Variants in RAB27A observed in about 807,000 individuals in gnomAD.
RAB27A encodes RAB27A, member RAS oncogene family.
Under a neutral mutation model 20.8 loss-of-function variants are expected in RAB27A, and 17 were observed. The observed-to-expected ratio is 0.82, with a 90% CI of 0.56 to 1.23. The LOEUF (loss-of-function observed/expected upper bound fraction) is 1.23. Among genes scored for constraint, RAB27A ranks in the 50% most tolerant of loss-of-function variants. The pLI, the probability that RAB27A is intolerant of heterozygous loss-of-function variation, is 0.00. For synonymous variants in RAB27A, 85 were observed against 92.8 expected, an observed-to-expected ratio of 0.92 and a Z score of 0.48; for missense variants, 277 against 266.7, an observed-to-expected ratio of 1.04 and a Z score of -0.27.
chr15:55,265,208 T>C (rs1897422457), intron 2 of RAB27A, among the ~76,000 whole-genome samples: 1 of 151,860 alleles, frequency 6.6e-6, no homozygotes, highest in Non-Finnish European at 1.5e-5. Context: ...CACATTGCAC[T>C]CCAGCCTGGG....
intron 2 of RAB27A, among the ~76,000 whole-genome samples, chr15:55,258,053 C>T (rs1169531126): frequency 3.8e-5 from 5 of 131,552 alleles, no homozygotes; most frequent in Non-Finnish European, 6.2e-5. Flanking sequence ...GGCGATACAG[C>T]GAGACTCAGT....
chr15:55,319,049 G>A, exon 1 of RAB27A: 2 of 612,826 alleles, frequency 3.3e-6, no homozygotes, highest in South Asian at 4.5e-5. Flanking sequence ...CCAAGCCAAA[G>A]GCGAGTAGCA....
At chr15:55,219,814 A>G (rs1057086631) in intron 6 of RAB27A, among the ~76,000 whole-genome samples, 5 of 152,248 alleles carry the variant, frequency 3.3e-5, no homozygotes, top group East Asian at 3.8e-4. Flanking sequence ...ATCACTCAAT[A>G]TAATACATTG....
At chr15:55,312,398 T>C (rs1315844498) in intron 2 of RAB27A, among the ~76,000 whole-genome samples, 1 of 152,194 alleles carries the variant, frequency 6.6e-6, no homozygotes, top group East Asian at 1.9e-4. Context: ...TTTTCAATTA[T>C]CTTGGGCATA....
At chr15:55,213,582 C>A (rs1415704367) in intron 6 of RAB27A, among the ~76,000 whole-genome samples, 1 of 152,206 alleles carries the variant, frequency 6.6e-6, no homozygotes, top group Non-Finnish European at 1.5e-5. Flanking sequence ...TCTGTATTTA[C>A]AGCTGCTCCC....
intron 2 of RAB27A, among the ~76,000 whole-genome samples, chr15:55,262,659 A>C (rs563587204): frequency 2.0e-4 from 28 of 143,260 alleles, no homozygotes; most frequent in East Asian, 1.1e-3. Flanking sequence ...TTGAGACAAG[A>C]TCTCACTCTG....
chr15:55,303,177 G>A (rs1210019048), intron 2 of RAB27A, among the ~76,000 whole-genome samples: 1 of 104,080 alleles, frequency 9.6e-6, no homozygotes, highest in Non-Finnish European at 1.8e-5. Flanking sequence ...TCCGGGAGGT[G>A]AGGGGCGCCT....
intron 2 of RAB27A, among the ~76,000 whole-genome samples, chr15:55,261,580 A>C (rs1052558132): frequency 6.7e-6 from 1 of 150,214 alleles, no homozygotes; most frequent in African/African-American, 2.4e-5. Context: ...ATACCAAAAA[A>C]AAAAAAAAAA....
In RAB27A at chr15:55,234,954, C is replaced by T; in HGVS notation, c.-20G>A. The T allele has an allele frequency of 6.2e-7, 1 of 1,604,384 alleles. No individual in the cohort carries two copies. Among genetic ancestry groups the T allele is most frequent in the Non-Finnish European group, 8.5e-7 (1 of 1,174,966 alleles). Reference sequence around the variant, plus strand: ...AGACATAATGAAGAACTCAGTAGTTCACCTGTAAAATACACACAAAATTTT... The same window carrying T: ...AGACATAATGAAGAACTCAGTAGTTTACCTGTAAAATACACACAAAATTTT... On this transcript the variant is annotated splice_region_variant and 5_prime_UTR_variant, in exon 3 of 7. Coordinates refer to ENST00000336787, the MANE Select transcript of RAB27A (RefSeq NM_183235.3).
chr15:55,310,711 C>A (rs1431857616), intron 2 of RAB27A, among the ~76,000 whole-genome samples: 1 of 152,106 alleles, frequency 6.6e-6, no homozygotes, highest in African/African-American at 2.4e-5. Context: ...TTATAAAAAA[C>A]CGAGGTTGCC....
At chr15:55,259,628 T>C (rs957352343) in intron 2 of RAB27A, among the ~76,000 whole-genome samples, 1 of 152,194 alleles carries the variant, frequency 6.6e-6, no homozygotes, top group African/African-American at 2.4e-5. Context: ...TCTTTTATAT[T>C]ATGTTTATAA....
intron 5 of RAB27A, among the ~76,000 whole-genome samples, chr15:55,224,948 T>C (rs1330689881): frequency 6.6e-6 from 1 of 152,180 alleles, no homozygotes; most frequent in Non-Finnish European, 1.5e-5. Flanking sequence ...TACTGAGCAT[T>C]AGCACAGGCC....
chr15:55,314,807 A>G (rs545298965), intron 1 of RAB27A, among the ~76,000 whole-genome samples: 3 of 152,342 alleles, frequency 2.0e-5, no homozygotes, highest in South Asian at 4.1e-4. Flanking sequence ...CATGGATAGG[A>G]AGAATCAATC....
chr15:55,208,275 T>G (rs149181479), intron 6 of RAB27A, among the ~76,000 whole-genome samples: 2,455 of 152,326 alleles, frequency 0.016, 38 homozygotes, highest in Middle Eastern at 0.041. Context: ...CACATCATTA[T>G]AAAAACATCT....
In RAB27A at chr15:55,203,067, G is replaced by C. The variant is rs1169686116; in HGVS notation, c.*2440C>G. 1.3e-5 allele frequency: 2 copies of C among 152,096 alleles called. No individual in the cohort carries two copies. The highest frequency in any genetic ancestry group is 6.6e-5 in the Admixed American group (1 of 15,260). 9.4% of individuals were successfully genotyped at this position (152,096 alleles called of 1,614,324 possible). On this transcript the variant is annotated 3_prime_UTR_variant, in exon 7 of 7. Transcript: ENST00000336787. ...AGGCTTGTAAATAGAAAAATACATT[G>C]ATGCACAAAAAATATAGTACTTCAA... is the stretch of plus-strand genomic sequence containing the variant.
chr15:55,258,081 A>G (rs1595723982), intron 2 of RAB27A, among the ~76,000 whole-genome samples: 1 of 151,524 alleles, frequency 6.6e-6, no homozygotes, highest in Non-Finnish European at 1.5e-5. Context: ...AAAAAAAAAA[A>G]AAAAAGGAAA....
chr15:55,298,013 T>C (rs1467109670), intron 2 of RAB27A, among the ~76,000 whole-genome samples: 1 of 151,842 alleles, frequency 6.6e-6, no homozygotes, highest in Admixed American at 6.6e-5. Flanking sequence ...CCGTCCTGGC[T>C]AACACAGTGA....
chr15:55,255,960 G>T (rs1475744752), intron 2 of RAB27A, among the ~76,000 whole-genome samples: 1 of 152,218 alleles, frequency 6.6e-6, no homozygotes, highest in Non-Finnish European at 1.5e-5. Context: ...GAGCCAGACA[G>T]CTTCCCCACA....
intron 2 of RAB27A, among the ~76,000 whole-genome samples, chr15:55,313,175 G>T (rs568478699): frequency 1.2e-4 from 19 of 152,318 alleles, no homozygotes; most frequent in Non-Finnish European, 2.5e-4. Flanking sequence ...TAGTGCTTTG[G>T]GAGGCCAAGG....
Sources: gnomAD v4.1 joint callset for allele counts (sites outside exome capture counted in the v4.1 genomes callset) on GRCh38, gnomAD v4.1.1 for gene constraint, MANE v1.5 for transcripts, NCBI Gene and HGNC (gene_info 2026-07-23, HGNC 2026-07-21) for gene names.